Variants in SLCO1C1 observed in about 807,000 individuals in gnomAD.
SLCO1C1 encodes solute carrier organic anion transporter family member 1C1.
In SLCO1C1, 70 loss-of-function variants were observed where a neutral mutation model predicts 76.4. That is an observed-to-expected ratio of 0.92 (90% CI 0.76 to 1.12). The LOEUF (loss-of-function observed/expected upper bound fraction) is 1.12. Ranked by LOEUF, SLCO1C1 falls within the 50% of genes most tolerant of loss-of-function variation. SLCO1C1 has a pLI of 0.00. For synonymous variants in SLCO1C1, 306 were observed against 286.1 expected (o/e 1.07, Z -0.70); for missense variants, 912 against 823.8 (o/e 1.11, Z -1.31).
At chr12:20,744,523 T>C (rs1948954818) in intron 13 of SLCO1C1, among the ~76,000 whole-genome samples, 1 of 152,034 alleles carries the variant, frequency 6.6e-6, no homozygotes, top group Non-Finnish European at 1.5e-5. Flanking sequence ...AAGATGTGAA[T>C]TTTTCATGGA....
At chr12:20,745,886 T>C (rs1949022002) in intron 13 of SLCO1C1, among the ~76,000 whole-genome samples, 2 of 151,784 alleles carry the variant, frequency 1.3e-5, no homozygotes. Flanking sequence ...AAAACATCAA[T>C]ATGAACTCAC....
chr12:20,698,344 T>C (rs1044311251), intron 1 of SLCO1C1, among the ~76,000 whole-genome samples: 1 of 152,010 alleles, frequency 6.6e-6, no homozygotes, highest in African/African-American at 2.4e-5. Flanking sequence ...CTAATAATAA[T>C]TTTTTTGAAA....
At chr12:20,711,360 A>G in intron 4 of SLCO1C1, 26 bp from the exon 5 acceptor site, 8 of 1,607,284 alleles carry the variant, frequency 5.0e-6, no homozygotes, top group Non-Finnish European at 6.8e-6. Context: ...TGAGTCTATC[A>G]TGAAGAAAAC....
chr12:20,717,363 T>G (rs1480453877), intron 7 of SLCO1C1, 133 bp downstream of exon 7: 1 of 590,240 alleles, frequency 1.7e-6, no homozygotes, highest in Non-Finnish European at 2.8e-6. Context: ...CTAAAAATTT[T>G]ATTATTAATA....
chr12:20,729,163 AG>A (rs1215248712), intron 9 of SLCO1C1, among the ~76,000 whole-genome samples: 2 of 152,132 alleles, frequency 1.3e-5, no homozygotes, highest in Non-Finnish European at 2.9e-5. Context: ...AAGCCTGGGG[AG>A]GGAAGAAACA....
At chr12:20,715,107 T>C in intron 5 of SLCO1C1, 32 bp from the exon 6 acceptor site, 1 of 1,613,014 alleles carries the variant, frequency 6.2e-7, no homozygotes. Context: ...AAGTGATCTA[T>C]TTTCAATCCT....
intron 11 of SLCO1C1, among the ~76,000 whole-genome samples, chr12:20,738,547 G>T (rs1353901745): frequency 6.6e-6 from 1 of 152,034 alleles, no homozygotes; most frequent in Non-Finnish European, 1.5e-5. Flanking sequence ...AGAAAGGATT[G>T]GTTTCTAGCA....
chr12:20,743,374 G>C lies in SLCO1C1; in HGVS notation c.1798+5G>C, dbSNP rs1291941327. 79 of 1,608,622 alleles carry C rather than the reference G, an allele frequency of 4.9e-5. No individual in the cohort carries two copies. Among genetic ancestry groups the C allele is most frequent in the Non-Finnish European group, 6.6e-5 (78 of 1,176,166 alleles). On this transcript the variant is annotated splice_donor_5th_base_variant and intron_variant, in intron 13 of 14. Transcript: ENST00000266509. Reference sequence around the variant, plus strand: ...CATTAGCAATAAGAGTTCTTGGTAAGTTTAACCTATGCTTTAATTTATGGT... The same window carrying C: ...CATTAGCAATAAGAGTTCTTGGTAACTTTAACCTATGCTTTAATTTATGGT...
At chr12:20,724,371 A>T (rs1464860697) in intron 9 of SLCO1C1, among the ~76,000 whole-genome samples, 3 of 146,968 alleles carry the variant, frequency 2.0e-5, no homozygotes, top group Non-Finnish European at 4.5e-5. Flanking sequence ...AACAGTTCAG[A>T]TGGATAATTT....
intron 12 of SLCO1C1, among the ~76,000 whole-genome samples, chr12:20,742,495 C>T (rs893239679): frequency 5.9e-5 from 9 of 151,874 alleles, no homozygotes; most frequent in African/African-American, 1.7e-4. Context: ...TAATGACACT[C>T]TTATTATTTA....
intron 10 of SLCO1C1, among the ~76,000 whole-genome samples, chr12:20,733,533 G>A (rs1948395222): frequency 6.6e-6 from 1 of 152,174 alleles, no homozygotes; most frequent in African/African-American, 2.4e-5. Flanking sequence ...ATACATGAAA[G>A]TGAATGCTAC....
At chr12:20,697,239 G>T (rs1210246006) in intron 1 of SLCO1C1, 1 of 151,888 alleles carries the variant, frequency 6.6e-6, no homozygotes, top group Non-Finnish European at 1.5e-5. Flanking sequence ...TATTATGACT[G>T]ATGAGAAATA....
chr12:20,752,466 T>G lies in SLCO1C1; in HGVS notation c.2077T>G (p.Tyr693Asp), dbSNP rs530772940. ...MVSTRFQKEN[Y>D]TTSDHLLQPN... is the part of the protein sequence containing the mutation. ...GTCTACAAGATTCCAAAAGGAAAAT[T>G]ACACTACAAGTGATCATCTGCTACA... Residue 693 changes from tyrosine to aspartate, a missense_variant, in exon 15 of 15, where the codon TAC (tyrosine) becomes GAC (aspartate). Tyr to Asp is a radical substitution (Grantham distance 160). Transcript: ENST00000266509. 1 of 1,613,196 alleles carries G rather than the reference T, an allele frequency of 6.2e-7. No homozygotes were observed. The highest frequency in any genetic ancestry group is 1.1e-5 in the South Asian group (1 of 90,982).
At chr12:20,740,787 T>TTTTATATATATATA (rs1217819863) in intron 12 of SLCO1C1, among the ~76,000 whole-genome samples, 76 of 75,074 alleles carry the variant, frequency 1.0e-3, no homozygotes, top group African/African-American at 3.4e-3. Flanking sequence ...TTTATTTTAT[T>TTTTATATATATATA]TATATATATA....
intron 9 of SLCO1C1, among the ~76,000 whole-genome samples, chr12:20,726,046 C>G (rs1348390985): frequency 1.3e-5 from 2 of 152,018 alleles, no homozygotes; most frequent in African/African-American, 4.8e-5. Flanking sequence ...TGGGGTGCAG[C>G]CGACTAAGCG....
Position 20,710,227 on chromosome 12 carries a change from A to G in SLCO1C1, c.405-1159A>G, listed in dbSNP as rs1432056610. ...TTTTTTTTTTTTTTTTTTTTTTTTG[A>G]GATGGAGTCTCGCTCTGTCGCCCAG... On this transcript the variant is annotated intron_variant, in intron 4 of 14. Transcript: ENST00000266509. 4.6e-5 allele frequency among the ~76,000 whole-genome samples: 3 copies of G among 65,574 alleles called. No homozygotes were observed. The Admixed American group carries it at 6.0e-4, about 13-fold the overall frequency. 43.0% of individuals were successfully genotyped at this position (65,574 alleles called of 152,430 possible). A position where few individuals can be genotyped will look rare whatever the true frequency, so the allele number is the denominator to read the frequency against.
chr12:20,732,810 A>G, intron 9 of SLCO1C1, 99 bp from the exon 10 acceptor site: 2 of 1,237,616 alleles, frequency 1.6e-6, no homozygotes, highest in African/African-American at 1.5e-5. Context: ...GACTATTTCT[A>G]TAATTTAAAG....
intron 1 of SLCO1C1, among the ~76,000 whole-genome samples, chr12:20,696,464 A>G (rs1347180889): frequency 2.6e-5 from 4 of 152,118 alleles, no homozygotes; most frequent in Non-Finnish European, 5.9e-5. Flanking sequence ...GGATCTAACT[A>G]CAACCTTCCT....
intron 9 of SLCO1C1, among the ~76,000 whole-genome samples, chr12:20,726,767 T>A (rs1173707889): frequency 3.9e-5 from 6 of 152,180 alleles, no homozygotes; most frequent in Non-Finnish European, 8.8e-5. Flanking sequence ...AAAGGTATAT[T>A]GCATAATGCT....
Sources: allele counts gnomAD v4.1 joint callset (sites outside exome capture counted in the v4.1 genomes callset), GRCh38; gene constraint gnomAD v4.1.1; transcripts MANE v1.5; gene names NCBI Gene and HGNC (gene_info 2026-07-23, HGNC 2026-07-21).